The following HS2ST1 variants were observed in gnomAD, a reference collection of about 807,000 sequenced individuals.
The protein encoded by HS2ST1 is heparan sulfate 2-O-sulfotransferase 1, also known as 2-O-sulfotransferase.
HS2ST1 carries 18 observed loss-of-function variants against 42.9 expected under a neutral mutation model. That is an observed-to-expected ratio of 0.42 (90% CI 0.29 to 0.62). The LOEUF is 0.62. HS2ST1 is among the 20% of genes least tolerant of loss of function. The pLI is 0.21. For synonymous variants in HS2ST1, 146 were observed against 152.9 expected (o/e 0.95, Z 0.33); for missense variants, 334 against 433.8 (o/e 0.77, Z 2.04).
At chr1:86,923,757 A>G (rs1475994016) in intron 1 of HS2ST1, among the ~76,000 whole-genome samples, 10 of 152,182 alleles carry the variant, frequency 6.6e-5, no homozygotes, top group Non-Finnish European at 5.9e-5. Flanking sequence ...TGGGAACAGC[A>G]TGGGAAAGAC....
At chr1:87,032,592 A>G (rs1276758084) in intron 1 of HS2ST1, among the ~76,000 whole-genome samples, 1 of 152,184 alleles carries the variant, frequency 6.6e-6, no homozygotes, top group African/African-American at 2.4e-5. Flanking sequence ...ACCTCAGGAC[A>G]AGTATTCACA....
intron 4 of HS2ST1, 144 bp from the exon 5 acceptor site, chr1:87,097,694 G>C: frequency 1.1e-6 from 1 of 912,508 alleles, no homozygotes. Context: ...GCCCAACTGT[G>C]ATTAATTTAC....
chr1:86,939,269 G>A (rs1273832239), intron 1 of HS2ST1, among the ~76,000 whole-genome samples: 4 of 152,090 alleles, frequency 2.6e-5, no homozygotes, highest in African/African-American at 9.7e-5. Context: ...TTGTAGCTGT[G>A]TACAATAATC....
At chr1:87,097,242 A>G (rs1166727461) in intron 4 of HS2ST1, among the ~76,000 whole-genome samples, 1 of 152,242 alleles carries the variant, frequency 6.6e-6, no homozygotes, top group Non-Finnish European at 1.5e-5. Context: ...GTAGTTGGAA[A>G]GACAGAACAT....
At chr1:87,012,942 C>T (rs536344191) in intron 1 of HS2ST1, among the ~76,000 whole-genome samples, 32 of 152,354 alleles carry the variant, frequency 2.1e-4, no homozygotes, top group Admixed American at 1.6e-3. Context: ...ATCCAGGTCA[C>T]GCTGATGCAG....
At chr1:87,063,808 CTTGA>C (rs1223629501) in intron 1 of HS2ST1, among the ~76,000 whole-genome samples, 1 of 152,056 alleles carries the variant, frequency 6.6e-6, no homozygotes, top group Non-Finnish European at 1.5e-5. Flanking sequence ...TTGGTCATTT[CTTGA>C]TTGTCTTTAT....
chr1:86,981,970 C>A (rs1048557955), intron 1 of HS2ST1, among the ~76,000 whole-genome samples: 11 of 152,234 alleles, frequency 7.2e-5, no homozygotes, highest in Non-Finnish European at 4.4e-5. Context: ...TTCTGCCTGG[C>A]CATCCAAGTG....
chr1:87,015,038 T>A (rs1204815350), intron 1 of HS2ST1, among the ~76,000 whole-genome samples: 2 of 88,392 alleles, frequency 2.3e-5, no homozygotes, highest in African/African-American at 3.6e-5. Flanking sequence ...CTTTGTGGGG[T>A]TTTTTAGTTT....
intron 2 of HS2ST1, among the ~76,000 whole-genome samples, chr1:87,077,771 A>G (rs1184840198): frequency 6.6e-6 from 1 of 152,220 alleles, no homozygotes; most frequent in Non-Finnish European, 1.5e-5. Flanking sequence ...CAAATGGACC[A>G]ACATAGATTT....
At chr1:86,920,044 G>A (rs534903286) in intron 1 of HS2ST1, among the ~76,000 whole-genome samples, 1 of 152,256 alleles carries the variant, frequency 6.6e-6, no homozygotes, top group South Asian at 2.1e-4. Flanking sequence ...TTGACTGGTC[G>A]AACAGTGCAG....
chr1:87,061,062 ATGTT>A (rs1037034164), intron 1 of HS2ST1, among the ~76,000 whole-genome samples: 4 of 152,144 alleles, frequency 2.6e-5, no homozygotes, highest in Non-Finnish European at 4.4e-5. Flanking sequence ...TGGAAGCATT[ATGTT>A]TGTTTAAAAG....
rs1660108495 is a variant in HS2ST1, at chr1:86,914,982, C to T, written c.-55C>T. ...CTCCTCCCGGCGTCTCTCTCGCCTC[C>T]GGGGTCCCGCTCCCCGCCCCCCGCG... is the stretch of plus-strand genomic sequence containing the variant. On this transcript the variant is annotated 5_prime_UTR_variant, in exon 1 of 7. Transcript: ENST00000370550. 1.2e-6 allele frequency: 2 copies of T among 1,608,850 alleles called. No individual in the cohort carries two copies. Among genetic ancestry groups the T allele is most frequent in the East Asian group, 4.5e-5 (2 of 44,790 alleles).
At chr1:87,050,732 A>G (rs1239876978) in intron 1 of HS2ST1, among the ~76,000 whole-genome samples, 2 of 152,116 alleles carry the variant, frequency 1.3e-5, no homozygotes, top group Admixed American at 6.5e-5. Flanking sequence ...GTAACTTTCC[A>G]TGTGATTCTT....
intron 1 of HS2ST1, among the ~76,000 whole-genome samples, chr1:87,071,770 A>G (rs998238057): frequency 1.3e-5 from 2 of 150,534 alleles, no homozygotes; most frequent in Non-Finnish European, 2.9e-5. Flanking sequence ...AGTCAGAGCT[A>G]TCAGATGCTT....
chr1:87,052,636 G>C (rs1413708767), intron 1 of HS2ST1, among the ~76,000 whole-genome samples: 1 of 152,142 alleles, frequency 6.6e-6, no homozygotes, highest in African/African-American at 2.4e-5. Context: ...GGTTGGTGGC[G>C]AGCAGTGAGG....
intron 1 of HS2ST1, among the ~76,000 whole-genome samples, chr1:86,918,958 T>C (rs995880977): frequency 6.6e-6 from 1 of 150,980 alleles, no homozygotes; most frequent in Non-Finnish European, 1.5e-5. Context: ...TTTTTAAATT[T>C]TTTTTATTTT....
At chr1:87,012,981 G>T (rs1337741595) in intron 1 of HS2ST1, among the ~76,000 whole-genome samples, 1 of 152,232 alleles carries the variant, frequency 6.6e-6, no homozygotes. Context: ...GTCTTGGACA[G>T]CTCTGCCTCT....
chr1:87,002,733 T>C (rs1190866200), intron 1 of HS2ST1, among the ~76,000 whole-genome samples: 1 of 152,016 alleles, frequency 6.6e-6, no homozygotes, highest in Non-Finnish European at 1.5e-5. Flanking sequence ...AAGTTAAAAA[T>C]TTTCCCCCCC....
At position 87,104,806 on chromosome 1, in the gene HS2ST1, A is replaced by T; in HGVS notation, c.*110A>T. On this transcript the variant is annotated 3_prime_UTR_variant, in exon 7 of 7. Coordinates refer to ENST00000370550, the MANE Select transcript of HS2ST1 (RefSeq NM_012262.4). ...ACAGTAGGTGTATATGACAATTTGT[A>T]TTGAGCCAAATTAGGAAACAGACAG... 1.6e-6 allele frequency: 1 copy of T among 635,934 alleles called. No individual in the cohort carries two copies. Among genetic ancestry groups the T allele is most frequent in the Non-Finnish European group, 2.8e-6 (1 of 363,272 alleles). The allele number at this position is 635,934 out of a possible 1,614,324, so 39.4% of individuals were successfully genotyped here.
Sources: allele counts gnomAD v4.1 joint callset (sites outside exome capture counted in the v4.1 genomes callset), GRCh38; gene constraint gnomAD v4.1.1; transcripts MANE v1.5; gene names NCBI Gene and HGNC (gene_info 2026-07-23, HGNC 2026-07-21).